The following JPT2 variants were observed in gnomAD, a reference collection of about 807,000 sequenced individuals.
The protein encoded by JPT2 is Jupiter microtubule associated homolog 2.
In JPT2, 9 loss-of-function variants were observed where a neutral mutation model predicts 15.9. That is an observed-to-expected ratio of 0.57 (90% CI 0.34 to 0.99). JPT2 has a LOEUF of 0.99. Ranked by LOEUF, JPT2 falls within the 50% of genes least tolerant of loss-of-function variation. The pLI is 0.02. For missense variants in JPT2, 267 were observed against 252.1 expected (o/e 1.06, Z -0.40); for synonymous variants, 95 against 91.7 (o/e 1.04, Z -0.21).
At chr16:1,687,618 G>T (rs2037077067) in intron 2 of JPT2, among the ~76,000 whole-genome samples, 1 of 152,170 alleles carries the variant, frequency 6.6e-6, no homozygotes, top group African/African-American at 2.4e-5. Context: ...GCCCAGTGGG[G>T]AGCCCGGCCC....
chr16:1,684,118 G>A (rs375661708), intron 1 of JPT2, among the ~76,000 whole-genome samples: 95 of 152,328 alleles, frequency 6.2e-4, no homozygotes, highest in African/African-American at 2.2e-3. Flanking sequence ...TAGATGTTCA[G>A]TACAGATGCA....
rs1342821668 is a variant in JPT2, at chr16:1,701,906, G to A, written c.*2908G>A. 6.6e-6 allele frequency: 2 copies of A among 302,286 alleles called. No homozygotes were observed. Among genetic ancestry groups the A allele is most frequent in the Non-Finnish European group, 1.3e-5 (2 of 148,266 alleles). The allele number at this position is 302,286 out of a possible 1,614,324, so 18.7% of individuals were successfully genotyped here. A position where few individuals can be genotyped will look rare whatever the true frequency, so the allele number is the denominator to read the frequency against. On this transcript the variant is annotated 3_prime_UTR_variant, in exon 5 of 5. Transcript: ENST00000248098. ...AACTTCTCTAAATTAGCCGGATGTG[G>A]TGGTGCATGCCTGTAGTCCCAGCTA...
chr16:1,685,973 G>A (rs1408228690), intron 2 of JPT2: 2 of 183,228 alleles, frequency 1.1e-5, no homozygotes, highest in African/African-American at 4.8e-5. Flanking sequence ...CAGATCGTCA[G>A]TGGGATTGAA....
intron 3 of JPT2, 83 bp downstream of exon 3, chr16:1,692,068 A>G (rs1361109271): frequency 1.0e-5 from 16 of 1,531,148 alleles, no homozygotes; most frequent in South Asian, 9.6e-5. Context: ...CAGATGCGAC[A>G]TGTTTTTAGG....
chr16:1,684,455 C>T (rs1157798819), intron 1 of JPT2, among the ~76,000 whole-genome samples: 2 of 152,080 alleles, frequency 1.3e-5, no homozygotes, highest in South Asian at 4.1e-4. Context: ...AAAAGTGATT[C>T]AAGAGCCAGG....
chr16:1,685,945 A>C (rs2037061810), intron 2 of JPT2: 1 of 198,446 alleles, frequency 5.0e-6, no homozygotes, highest in Non-Finnish European at 1.0e-5. Context: ...TTTCCTAGGG[A>C]GGGAGAGTGT....
intron 2 of JPT2, chr16:1,690,258 C>T (rs920524040): frequency 2.6e-5 from 4 of 152,242 alleles, no homozygotes; most frequent in Non-Finnish European, 5.9e-5. Flanking sequence ...CACACGTGGG[C>T]TCTTCATCCG....
intron 1 of JPT2, 133 bp from the exon 2 acceptor site, chr16:1,685,306 T>C (rs2037056115): frequency 4.2e-6 from 4 of 945,592 alleles, no homozygotes; most frequent in Non-Finnish European, 4.7e-6. Context: ...CCAGCCTGGG[T>C]GACAGAATGA....
intron 1 of JPT2, 67 bp downstream of exon 1, chr16:1,678,423 G>A (rs1309866965): frequency 8.2e-7 from 1 of 1,217,106 alleles, no homozygotes; most frequent in Non-Finnish European, 1.0e-6. Flanking sequence ...GGCCAGCCCA[G>A]GGCGTCCACC....
At chr16:1,697,220 ATTTGAC>A (rs2037148798) in intron 3 of JPT2, among the ~76,000 whole-genome samples, 1 of 152,242 alleles carries the variant, frequency 6.6e-6, no homozygotes, top group Non-Finnish European at 1.5e-5. Flanking sequence ...GTATTTAAAA[ATTTGAC>A]TTTGAGGCTG....
At position 1,678,295 on chromosome 16, in the gene JPT2, A is replaced by C; in HGVS notation, c.-18A>C. The C allele has an allele frequency of 8.1e-7, 1 of 1,236,552 alleles. No individual in the cohort carries two copies. The allele number at this position is 1,236,552 out of a possible 1,614,324, so 76.6% of individuals were successfully genotyped here. ...GGCGGGAACGGCGCGCGGCGAGCTG[A>C]GGGTGGCGGCGGTCGACATGTTCCA... On this transcript the variant is annotated 5_prime_UTR_variant, in exon 1 of 5. Transcript: ENST00000248098.
At position 1,701,258 on chromosome 16, in the gene JPT2, G is replaced by A. The variant is rs1465399134; in HGVS notation, c.*2260G>A. 6.6e-6 allele frequency: 1 copy of A among 152,574 alleles called. No homozygotes were observed. The highest frequency in any genetic ancestry group is 1.9e-4 in the East Asian group (1 of 5,198). The allele number at this position is 152,574 out of a possible 1,614,324, so 9.5% of individuals were successfully genotyped here. ...TGACTCGTCTCTGTATTTGTATTAA[G>A]CCTTAACACTTTTCTTAAGTGCATT... is the stretch of plus-strand genomic sequence containing the variant. On this transcript the variant is annotated 3_prime_UTR_variant, in exon 5 of 5. Coordinates refer to ENST00000248098, the MANE Select transcript of JPT2 (RefSeq NM_144570.3).
At chr16:1,691,707 C>T in intron 2 of JPT2, 136 bp from the exon 3 acceptor site, 1 of 1,018,416 alleles carries the variant, frequency 9.8e-7, no homozygotes, top group South Asian at 1.6e-5. Flanking sequence ...TCTGAGCATC[C>T]TGCCCTGTTG....
intron 1 of JPT2, among the ~76,000 whole-genome samples, chr16:1,681,520 A>G (rs2037023108): frequency 6.6e-6 from 1 of 152,090 alleles, no homozygotes; most frequent in Non-Finnish European, 1.5e-5. Flanking sequence ...TCCTGCGCCC[A>G]TTGGTCCCCA....
chr16:1,686,048 C>T (rs1244145977), intron 2 of JPT2: 2 of 155,626 alleles, frequency 1.3e-5, no homozygotes, highest in African/African-American at 4.8e-5. Flanking sequence ...TACCCAACCT[C>T]CTAGTGGTTA....
At chr16:1,696,596 C>G (rs2037144136) in intron 3 of JPT2, among the ~76,000 whole-genome samples, 1 of 151,888 alleles carries the variant, frequency 6.6e-6, no homozygotes, top group Non-Finnish European at 1.5e-5. Flanking sequence ...TAAGGAGTTA[C>G]TATCCAGAAT....
chr16:1,692,365 C>T (rs542438197), intron 3 of JPT2: 29 of 237,894 alleles, frequency 1.2e-4, no homozygotes, highest in Admixed American at 2.6e-4. Context: ...GGAAAAGTGA[C>T]AGTTCTTTTC....
At chr16:1,692,142 T>G in intron 3 of JPT2, 157 bp downstream of exon 3, 1 of 929,962 alleles carries the variant, frequency 1.1e-6, no homozygotes. Flanking sequence ...GTTTGGAAGT[T>G]CCCCTGAGTC....
intron 2 of JPT2, among the ~76,000 whole-genome samples, chr16:1,691,563 A>C (rs1413173399): frequency 6.6e-6 from 1 of 152,176 alleles, no homozygotes; most frequent in Non-Finnish European, 1.5e-5. Flanking sequence ...TTCTAGAGGG[A>C]AAATCTGCAG....
Sources: gnomAD v4.1 joint callset for allele counts (sites outside exome capture counted in the v4.1 genomes callset) on GRCh38, gnomAD v4.1.1 for gene constraint, MANE v1.5 for transcripts, NCBI Gene and HGNC (gene_info 2026-07-23, HGNC 2026-07-21) for gene names.